Variants in RBFOX1 observed in about 807,000 individuals in gnomAD.
The protein encoded by RBFOX1 is RNA binding protein fox-1 homolog 1.
A neutral mutation model predicts 57.7 loss-of-function variants in RBFOX1; 8 were observed. That is an observed-to-expected ratio of 0.14 (90% CI 0.08 to 0.25). The LOEUF (loss-of-function observed/expected upper bound fraction) is 0.25. Among genes scored for constraint, RBFOX1 ranks in the 10% least tolerant of loss-of-function variants. The probability of loss-of-function intolerance (pLI) is 1.00; values close to 1 mark genes in which losing one functional copy is unlikely to be tolerated. For missense variants in RBFOX1, 611 were observed against 548.5 expected (o/e 1.11, Z -1.14); for synonymous variants, 326 against 222.4 (o/e 1.47, Z -4.15).
chr16:7,288,774 G>A (rs2095700818), intron 4 of RBFOX1, among the ~76,000 whole-genome samples: 1 of 152,216 alleles, frequency 6.6e-6, no homozygotes, highest in Non-Finnish European at 1.5e-5. Flanking sequence ...CCAGGGGATG[G>A]AGGTTACAGT....
intron 4 of RBFOX1, among the ~76,000 whole-genome samples, chr16:7,393,819 A>G (rs772418244): frequency 3.2e-4 from 48 of 152,150 alleles, no homozygotes; most frequent in Non-Finnish European, 6.5e-4. Context: ...AAGGTGAATC[A>G]TGCCAGCCAA....
At position 6,859,123 on chromosome 16, in the gene RBFOX1, A is replaced by ATG. The variant is rs1567591896; in HGVS notation, c.-15-192933_-15-192932insGT. Among the ~76,000 whole-genome samples, 25 of 68,994 alleles carry ATG rather than the reference A, an allele frequency of 3.6e-4. 2 individuals are homozygous for ATG. Among genetic ancestry groups the ATG allele is most frequent in the African/African-American group, 2.3e-3 (25 of 11,068 alleles). The allele number at this position is 68,994 out of a possible 152,430, so 45.3% of individuals were successfully genotyped here. A position where few individuals can be genotyped will look rare whatever the true frequency, so the allele number is the denominator to read the frequency against. ...TCCTAAAAAAAGTGTATATATATAT[A>ATG]TATATACATATATATACGTATATAT... On this transcript the variant is annotated intron_variant, in intron 3 of 15. Transcript: ENST00000550418.
chr16:7,378,794 C>T (rs2097732587), intron 4 of RBFOX1, among the ~76,000 whole-genome samples: 1 of 152,204 alleles, frequency 6.6e-6, no homozygotes, highest in Non-Finnish European at 1.5e-5. Context: ...GGGCACACTG[C>T]AAAGTCAGCC....
At chr16:7,292,943 A>C (rs2095821771) in intron 4 of RBFOX1, among the ~76,000 whole-genome samples, 1 of 152,120 alleles carries the variant, frequency 6.6e-6, no homozygotes, top group Non-Finnish European at 1.5e-5. Flanking sequence ...GAAACAGAGG[A>C]TGAAGGGGTG....
intron 2 of RBFOX1, among the ~76,000 whole-genome samples, chr16:6,450,003 G>T (rs552193704): frequency 4.8e-4 from 73 of 152,286 alleles, no homozygotes; most frequent in African/African-American, 1.7e-3. Context: ...TGCTAGAATT[G>T]CTTTTATTGG....
At chr16:7,190,082 C>T (rs1043887368) in intron 4 of RBFOX1, among the ~76,000 whole-genome samples, 2 of 152,132 alleles carry the variant, frequency 1.3e-5, no homozygotes, top group African/African-American at 4.8e-5. Context: ...AAATCTTGGC[C>T]GGGCACAGTG....
At chr16:6,957,382 A>T (rs115900637) in intron 3 of RBFOX1, among the ~76,000 whole-genome samples, 10 of 151,882 alleles carry the variant, frequency 6.6e-5, no homozygotes, top group Non-Finnish European at 1.2e-4. Context: ...CTGCCTCCCA[A>T]TGTGCTGCGA....
intron 2 of RBFOX1, among the ~76,000 whole-genome samples, chr16:6,641,064 C>T (rs372956466): frequency 6.6e-5 from 10 of 152,324 alleles, no homozygotes; most frequent in African/African-American, 2.4e-4. Flanking sequence ...CTTTCCCGAT[C>T]TTCACTTCAG....
chr16:6,370,618 C>G (rs866341177), intron 2 of RBFOX1, among the ~76,000 whole-genome samples: 1 of 152,092 alleles, frequency 6.6e-6, no homozygotes. Flanking sequence ...CTACTTATTT[C>G]AGGTACCTAG....
At chr16:5,720,497 TA>T (rs1419384153) in intron 3 of RBFOX1, among the ~76,000 whole-genome samples, 2 of 152,228 alleles carry the variant, frequency 1.3e-5, no homozygotes, top group African/African-American at 4.8e-5. Context: ...ATTGTCATAT[TA>T]ACAAGGCTTT....
chr16:5,814,203 G>A (rs1004248096), intron 3 of RBFOX1, among the ~76,000 whole-genome samples: 2 of 152,240 alleles, frequency 1.3e-5, no homozygotes, highest in East Asian at 1.9e-4. Context: ...GTCTGCATCC[G>A]TATGCCCTCC....
At chr16:5,955,544 A>G (rs1021994668) in intron 4 of RBFOX1, among the ~76,000 whole-genome samples, 6 of 152,274 alleles carry the variant, frequency 3.9e-5, no homozygotes, top group Middle Eastern at 3.4e-3. Context: ...GCAAAGGTTT[A>G]TTGAACACCT....
intron 3 of RBFOX1, among the ~76,000 whole-genome samples, chr16:5,692,249 C>T (rs1193693748): frequency 6.7e-6 from 1 of 149,676 alleles, no homozygotes; most frequent in African/African-American, 2.5e-5. Context: ...ACAGAAGCTC[C>T]ATTTGTTGGC....
chr16:7,005,946 C>T (rs747809927), intron 3 of RBFOX1, among the ~76,000 whole-genome samples: 8 of 152,090 alleles, frequency 5.3e-5, no homozygotes, highest in Admixed American at 1.3e-4. Context: ...AGAGAAAAGC[C>T]CCAATTCTTT....
intron 4 of RBFOX1, among the ~76,000 whole-genome samples, chr16:7,112,830 T>C (rs563878010): frequency 6.6e-6 from 1 of 152,174 alleles, no homozygotes; most frequent in East Asian, 1.9e-4. Context: ...TGTTTTATGA[T>C]TTGGGTAACA....
intron 3 of RBFOX1, among the ~76,000 whole-genome samples, chr16:6,878,258 C>G (rs945273878): frequency 6.6e-6 from 1 of 152,142 alleles, no homozygotes; most frequent in African/African-American, 2.4e-5. Context: ...GCTTGAAGTT[C>G]TTGTGATTTG....
At chr16:5,869,954 AGTG>A (rs1176996008) in intron 4 of RBFOX1, among the ~76,000 whole-genome samples, 1 of 152,112 alleles carries the variant, frequency 6.6e-6, no homozygotes, top group African/African-American at 2.4e-5. Flanking sequence ...ATCAATCAAT[AGTG>A]GTGTATTCAT....
intron 2 of RBFOX1, among the ~76,000 whole-genome samples, chr16:6,608,617 C>T (rs760576777): frequency 1.4e-4 from 21 of 152,106 alleles, no homozygotes; most frequent in Non-Finnish European, 2.2e-4. Flanking sequence ...GGCAAGACCC[C>T]ATCTCTACAA....
intron 3 of RBFOX1, among the ~76,000 whole-genome samples, chr16:6,841,242 C>A (rs932349129): frequency 6.6e-6 from 1 of 152,098 alleles, no homozygotes; most frequent in Non-Finnish European, 1.5e-5. Context: ...AGTTATCCTG[C>A]CCATTATACT....
Sources: gnomAD v4.1 joint callset for allele counts (sites outside exome capture counted in the v4.1 genomes callset) on GRCh38, gnomAD v4.1.1 for gene constraint, MANE v1.5 for transcripts, NCBI Gene and HGNC (gene_info 2026-07-23, HGNC 2026-07-21) for gene names.